Variants in SORCS3 observed in about 807,000 individuals in gnomAD.
SORCS3 encodes the protein sortilin related VPS10 domain containing receptor 3, also known as VPS10 domain-containing receptor SorCS3.
A neutral mutation model predicts 146.3 loss-of-function variants in SORCS3; 57 were observed. The observed-to-expected ratio is 0.39, with a 90% CI of 0.31 to 0.49. SORCS3 has a LOEUF of 0.49. Among genes scored for constraint, SORCS3 ranks in the 20% least tolerant of loss-of-function variants. The probability of loss-of-function intolerance (pLI) is 0.92; values close to 1 mark genes in which losing one functional copy is unlikely to be tolerated. For synonymous variants in SORCS3, 653 were observed against 618.5 expected, an observed-to-expected ratio of 1.06 and a Z score of -0.83; for missense variants, 1,341 against 1,575.5, an observed-to-expected ratio of 0.85 and a Z score of 2.52.
chr10:105,150,976 C>T (rs2056164048), intron 9 of SORCS3, among the ~76,000 whole-genome samples: 1 of 152,156 alleles, frequency 6.6e-6, no homozygotes, highest in South Asian at 2.1e-4. Context: ...TAAGTTTTCA[C>T]ATTCAATTCA....
chr10:104,901,562 T>G (rs1778741552), intron 2 of SORCS3, among the ~76,000 whole-genome samples: 1 of 152,178 alleles, frequency 6.6e-6, no homozygotes, highest in Non-Finnish European at 1.5e-5. Flanking sequence ...CTTGAGCCCC[T>G]TTCCTAACTA....
intron 2 of SORCS3, among the ~76,000 whole-genome samples, chr10:104,878,024 G>A (rs539061753): frequency 6.6e-6 from 1 of 152,204 alleles, no homozygotes; most frequent in African/African-American, 2.4e-5. Context: ...TCATCTCAGT[G>A]CATATGTGGA....
intron 2 of SORCS3, among the ~76,000 whole-genome samples, chr10:104,893,377 T>C (rs1565424): frequency 0.37 from 55,571 of 152,066 alleles, 13,316 homozygotes; most frequent in African/African-American, 0.69. Context: ...CATAACCTCA[T>C]TCTGAGTATA....
At chr10:104,940,224 A>ATATATATATATATG (rs2019299955) in intron 3 of SORCS3, among the ~76,000 whole-genome samples, 1 of 25,876 alleles carries the variant, frequency 3.9e-5, no homozygotes. Flanking sequence ...ATATATATAT[A>ATATATATATATATG]TATATATATA....
chr10:105,004,732 G>T (rs1318337253), intron 4 of SORCS3, among the ~76,000 whole-genome samples: 1 of 151,182 alleles, frequency 6.6e-6, no homozygotes, highest in Non-Finnish European at 1.5e-5. Context: ...TGACTTTGGG[G>T]TGAGGGCAAA....
chr10:105,230,926 T>C (rs938941047), intron 20 of SORCS3, among the ~76,000 whole-genome samples: 1 of 152,178 alleles, frequency 6.6e-6, no homozygotes, highest in Non-Finnish European at 1.5e-5. Flanking sequence ...TCCAGGGAGC[T>C]GCTTATGTCA....
chr10:104,744,732 G>A (rs1048172277), intron 1 of SORCS3, among the ~76,000 whole-genome samples: 1 of 152,130 alleles, frequency 6.6e-6, no homozygotes, highest in African/African-American at 2.4e-5. Context: ...AATGTGTCAC[G>A]AACACTAAGA....
chr10:104,761,561 G>T (rs1434498847), intron 1 of SORCS3, among the ~76,000 whole-genome samples: 2 of 152,106 alleles, frequency 1.3e-5, no homozygotes, highest in Non-Finnish European at 2.9e-5. Flanking sequence ...CTGAAATCTT[G>T]TTTTTCCAGT....
At chr10:104,687,555 A>C (rs1280973528) in intron 1 of SORCS3, among the ~76,000 whole-genome samples, 20 of 152,122 alleles carry the variant, frequency 1.3e-4, no homozygotes, top group Admixed American at 1.3e-3. Flanking sequence ...GTGTTTGTGC[A>C]CTGGGGGTAG....
At chr10:105,262,118 A>G (rs1367934056) in intron 25 of SORCS3, among the ~76,000 whole-genome samples, 1 of 152,030 alleles carries the variant, frequency 6.6e-6, no homozygotes, top group Non-Finnish European at 1.5e-5. Flanking sequence ...AGGGAGTTCT[A>G]TGGTTTACAT....
At chr10:105,023,171 C>T (rs1226244340) in intron 4 of SORCS3, among the ~76,000 whole-genome samples, 2 of 152,134 alleles carry the variant, frequency 1.3e-5, no homozygotes, top group South Asian at 2.1e-4. Flanking sequence ...TTGGAGTTCT[C>T]GCCATTCTCA....
chr10:105,252,828 C>T lies in SORCS3; in HGVS notation c.3159C>T (p.Pro1053=), dbSNP rs763182704. Reference sequence around the variant, plus strand: ...TCATTGCCGTGTTTCCTGGTCTCCCCACTTCAGCAGAGCTTTTCATTCTTC... The same window carrying T: ...TCATTGCCGTGTTTCCTGGTCTCCCTACTTCAGCAGAGCTTTTCATTCTTC... ...QILIAVFPGL[P]TSAELFILPP... Residue 1053 remains proline, a synonymous_variant, in exon 23 of 27, where the codon CCC becomes CCT. Coordinates refer to ENST00000369701, the MANE Select transcript of SORCS3 (RefSeq NM_014978.3). 13 of 1,613,962 alleles carry T rather than the reference C, an allele frequency of 8.1e-6. No individual in the cohort carries two copies. The highest frequency in any genetic ancestry group is 1.1e-5 in the South Asian group (1 of 91,068).
rs369951258 is a variant in SORCS3 at position 104,981,526 on chromosome 10, C to T, written c.954+4033C>T. On this transcript the variant is annotated intron_variant, in intron 4 of 26. Coordinates refer to ENST00000369701, the MANE Select transcript of SORCS3 (RefSeq NM_014978.3). ...GCTATTTCCTCACTGATGACTGAAA[C>T]AGCTTACACTGTGATGTGTTTAGAT... Among the ~76,000 whole-genome samples the T allele has an allele frequency of 1.1e-3, 164 of 152,288 alleles. 1 individual carries two copies. Among genetic ancestry groups the T allele is most frequent in the African/African-American group, 3.7e-3 (152 of 41,558 alleles).
At chr10:105,208,158 C>T (rs1269515811) in intron 16 of SORCS3, among the ~76,000 whole-genome samples, 5 of 151,944 alleles carry the variant, frequency 3.3e-5, no homozygotes, top group South Asian at 2.1e-4. Flanking sequence ...CCTGGCCAAA[C>T]GGCAAAACCC....
At chr10:105,122,375 T>C (rs1210640018) in intron 7 of SORCS3, among the ~76,000 whole-genome samples, 1 of 152,158 alleles carries the variant, frequency 6.6e-6, no homozygotes, top group Admixed American at 6.5e-5. Context: ...AACCCCCTCA[T>C]GGTCAGACAG....
intron 2 of SORCS3, among the ~76,000 whole-genome samples, chr10:104,864,505 T>C (rs908888325): frequency 6.6e-6 from 1 of 152,146 alleles, no homozygotes; most frequent in Non-Finnish European, 1.5e-5. Context: ...CCTGAAGTGG[T>C]ACCTGGTTAA....
At chr10:104,924,373 G>T (rs79951046) in intron 3 of SORCS3, among the ~76,000 whole-genome samples, 1 of 152,324 alleles carries the variant, frequency 6.6e-6, no homozygotes, top group Non-Finnish European at 1.5e-5. Context: ...AGAATAAGGT[G>T]AGCACAAATA....
chr10:104,763,372 T>A (rs1165622666), intron 1 of SORCS3, among the ~76,000 whole-genome samples: 1 of 152,224 alleles, frequency 6.6e-6, no homozygotes, highest in Non-Finnish European at 1.5e-5. Context: ...TTTTTCCTCT[T>A]TGTGAGAAGA....
intron 5 of SORCS3, among the ~76,000 whole-genome samples, chr10:105,054,608 C>G (rs1453395905): frequency 6.7e-6 from 1 of 150,188 alleles, no homozygotes; most frequent in Non-Finnish European, 1.5e-5. Context: ...CAGTGAACAT[C>G]TTTTCACTTA....
Sources: allele counts gnomAD v4.1 joint callset (sites outside exome capture counted in the v4.1 genomes callset), GRCh38; gene constraint gnomAD v4.1.1; transcripts MANE v1.5; gene names NCBI Gene and HGNC (gene_info 2026-07-23, HGNC 2026-07-21).